Variants in KCNC2 observed in about 807,000 individuals in gnomAD.
The protein encoded by KCNC2 is potassium voltage-gated channel subfamily C member 2, also known as voltage-gated potassium channel KCNC2.
Under a neutral mutation model 44.5 loss-of-function variants are expected in KCNC2, and 21 were observed. That is an observed-to-expected ratio of 0.47 (90% CI 0.33 to 0.68). The LOEUF is 0.68. Ranked by LOEUF, KCNC2 falls within the 30% of genes least tolerant of loss-of-function variation. KCNC2 has a pLI of 0.01. For synonymous variants in KCNC2, 391 were observed against 339.1 expected (o/e 1.15, Z -1.68); for missense variants, 589 against 826.2 (o/e 0.71, Z 3.52).
chr12:75,071,654 G>A (rs572830106), intron 2 of KCNC2, among the ~76,000 whole-genome samples: 9 of 152,152 alleles, frequency 5.9e-5, no homozygotes, highest in East Asian at 3.9e-4. Context: ...AACTCTTGAC[G>A]GAAGAATTAA....
intron 2 of KCNC2, among the ~76,000 whole-genome samples, chr12:75,078,620 A>T (rs1884207407): frequency 6.6e-6 from 1 of 151,984 alleles, no homozygotes; most frequent in East Asian, 1.9e-4. Flanking sequence ...AGTGTCTACT[A>T]CTCTTTTCTT....
chr12:75,090,967 C>T (rs993443629), intron 2 of KCNC2, among the ~76,000 whole-genome samples: 3 of 151,640 alleles, frequency 2.0e-5, no homozygotes, highest in African/African-American at 7.3e-5. Flanking sequence ...TAAGAAGTAG[C>T]CTTAGGATTT....
chr12:75,108,031 T>C (rs564479933), intron 2 of KCNC2, among the ~76,000 whole-genome samples: 2 of 152,318 alleles, frequency 1.3e-5, no homozygotes, highest in African/African-American at 4.8e-5. Context: ...CTTAGGCCTA[T>C]GACCTTTGGG....
chr12:75,101,249 G>T (rs1221040529), intron 2 of KCNC2, among the ~76,000 whole-genome samples: 2 of 152,182 alleles, frequency 1.3e-5, no homozygotes, highest in East Asian at 1.9e-4. Flanking sequence ...CAGGCAGTTT[G>T]CTTGATAAAA....
chr12:75,143,075 C>T (rs721749), intron 2 of KCNC2, among the ~76,000 whole-genome samples: 34 of 152,198 alleles, frequency 2.2e-4, no homozygotes, highest in South Asian at 1.9e-3. Context: ...AGAATGGGTC[C>T]GTCTCAGAGG....
chr12:75,199,802 A>G (rs2031086707), intron 2 of KCNC2, among the ~76,000 whole-genome samples: 1 of 151,868 alleles, frequency 6.6e-6, no homozygotes, highest in African/African-American at 2.4e-5. Flanking sequence ...AAATCAAACA[A>G]AAGTAGAAAA....
intron 2 of KCNC2, among the ~76,000 whole-genome samples, chr12:75,197,741 G>C (rs986188336): frequency 2.0e-5 from 3 of 151,838 alleles, no homozygotes; most frequent in Non-Finnish European, 2.9e-5. Context: ...TACAAATCCT[G>C]ACAACAACAT....
In KCNC2 at chr12:75,043,256, T is replaced by C. The variant is rs1370060065; in HGVS notation, c.1781-15A>G. On this transcript the variant is annotated splice_polypyrimidine_tract_variant and intron_variant, in intron 4 of 4. Coordinates refer to ENST00000549446, the MANE Select transcript of KCNC2 (RefSeq NM_139137.4). The stretch of plus-strand genomic sequence containing the variant: ...TTTTTCATATCCTTTTATGAAAAAA[T>C]GCACAGACATCAGTTGAATTCAACC... 6.2e-7 allele frequency: 1 copy of C among 1,611,362 alleles called. No individual in the cohort carries two copies. The highest frequency in any genetic ancestry group is 8.5e-7 in the Non-Finnish European group (1 of 1,178,450).
chr12:75,148,107 C>T (rs1179264118), intron 2 of KCNC2, among the ~76,000 whole-genome samples: 1 of 152,008 alleles, frequency 6.6e-6, no homozygotes, highest in Non-Finnish European at 1.5e-5. Context: ...CCACTTTTCC[C>T]TACAATGTAT....
intron 2 of KCNC2, among the ~76,000 whole-genome samples, chr12:75,055,783 TCTC>T (rs1473232054): frequency 6.6e-6 from 1 of 151,986 alleles, no homozygotes; most frequent in African/African-American, 2.4e-5. Context: ...TAGTCCAGGA[TCTC>T]CATGGAGGGT....
At chr12:75,178,896 G>C (rs1892370808) in intron 2 of KCNC2, among the ~76,000 whole-genome samples, 1 of 151,960 alleles carries the variant, frequency 6.6e-6, no homozygotes, top group Non-Finnish European at 1.5e-5. Context: ...GCATAGAAAA[G>C]TTTTGGGACC....
intron 2 of KCNC2, among the ~76,000 whole-genome samples, chr12:75,090,221 C>T (rs973637844): frequency 2.6e-5 from 4 of 151,740 alleles, no homozygotes; most frequent in Non-Finnish European, 4.4e-5. Flanking sequence ...TCCAAAGCTT[C>T]TGTTTTCTTG....
At chr12:75,108,144 TTCC>T (rs1886937881) in intron 2 of KCNC2, among the ~76,000 whole-genome samples, 1 of 152,162 alleles carries the variant, frequency 6.6e-6, no homozygotes. Context: ...ATTTTCCACC[TTCC>T]ACTTTATGAA....
At chr12:75,196,213 C>T (rs2030749260) in intron 2 of KCNC2, among the ~76,000 whole-genome samples, 1 of 152,156 alleles carries the variant, frequency 6.6e-6, no homozygotes, top group East Asian at 1.9e-4. Context: ...TGGGAATATG[C>T]CTTCACCTTG....
intron 2 of KCNC2, among the ~76,000 whole-genome samples, chr12:75,203,807 A>G (rs147761336): frequency 1.1e-3 from 172 of 152,028 alleles, no homozygotes; most frequent in Non-Finnish European, 2.0e-3. Flanking sequence ...TAATATTCCA[A>G]ACAGATTCTT....
chr12:75,066,941 G>A (rs1882889427), intron 2 of KCNC2, among the ~76,000 whole-genome samples: 2 of 152,258 alleles, frequency 1.3e-5, no homozygotes, highest in East Asian at 1.9e-4. Context: ...GGTGGCTCAC[G>A]TCTGTAGTCC....
rs765583882 is a variant in KCNC2 at position 75,208,004 on chromosome 12, TA to T, written c.-19-3del. The stretch of plus-strand genomic sequence containing the variant: ...CCCATCTCTGTGACTCAGACATGAC[TA>T]GGGGGAGGCAAACACAGCGCCGAGT... On this transcript the variant is annotated splice_region_variant and splice_polypyrimidine_tract_variant and intron_variant, in intron 1 of 4. Coordinates refer to ENST00000549446, the MANE Select transcript of KCNC2 (RefSeq NM_139137.4). 8.7e-6 allele frequency: 14 copies of T among 1,610,712 alleles called. No homozygotes were observed. The highest frequency in any genetic ancestry group is 6.7e-5 in the East Asian group (3 of 44,640).
chr12:75,157,856 G>A (rs927205277), intron 2 of KCNC2, among the ~76,000 whole-genome samples: 11 of 151,768 alleles, frequency 7.2e-5, no homozygotes, highest in Non-Finnish European at 1.0e-4. Flanking sequence ...ACTTAAATAC[G>A]TTTTAAATGG....
rs377172699 is a variant in KCNC2 at position 75,116,216 on chromosome 12, C to T, written c.688-64899G>A. On this transcript the variant is annotated intron_variant, in intron 2 of 4. Coordinates refer to ENST00000549446, the MANE Select transcript of KCNC2 (RefSeq NM_139137.4). ...GTCATCAAGCAATGAATTCCAAAGA[C>T]GGTTGCAGGACCTGAATTTACATGT... Among the ~76,000 whole-genome samples the T allele has an allele frequency of 1.5e-3, 229 of 152,228 alleles. 1 individual carries two copies. Among genetic ancestry groups the T allele is most frequent in the African/African-American group, 5.1e-3 (213 of 41,518 alleles).
Sources: allele counts gnomAD v4.1 joint callset (sites outside exome capture counted in the v4.1 genomes callset), GRCh38; gene constraint gnomAD v4.1.1; transcripts MANE v1.5; gene names NCBI Gene and HGNC (gene_info 2026-07-23, HGNC 2026-07-21).